ABCA13: variants seen among roughly 807,000 people sequenced by gnomAD.
ABCA13 encodes the protein ATP binding cassette subfamily A member 13.
A neutral mutation model predicts 478.7 loss-of-function variants in ABCA13; 476 were observed. That is an observed-to-expected ratio of 0.99 (90% CI 0.92 to 1.07). The LOEUF (loss-of-function observed/expected upper bound fraction) is 1.07, where lower values mean the gene tolerates loss of function less well. ABCA13 is among the 50% of genes least tolerant of loss of function. ABCA13 has a pLI of 0.00. For missense variants in ABCA13, 6,060 were observed against 5,910.6 expected (o/e 1.03, Z -0.83); for synonymous variants, 2,252 against 2,158.9 (o/e 1.04, Z -1.20).
intron 39 of ABCA13, among the ~76,000 whole-genome samples, chr7:48,408,844 G>A (rs1818618632): frequency 6.6e-6 from 1 of 151,966 alleles, no homozygotes; most frequent in Non-Finnish European, 1.5e-5. Flanking sequence ...CTCCCTCCCG[G>A]CTCCCTCCAC....
chr7:48,410,538 C>T lies in ABCA13; in HGVS notation c.12089C>T (p.Thr4030Ile). The change falls in exon 40 of 62, where the codon ACA (threonine) becomes ATA (isoleucine). Residue 4030 changes from threonine to isoleucine, a missense_variant. By Grantham distance (89) the Thr-to-Ile change is moderately conservative. Around this residue, in one of 3 missense-constraint regions of ABCA13, gnomAD observed 1,627 missense variants for 1,571.0 expected, o/e 1.04. Transcript: ENST00000435803. The stretch of plus-strand genomic sequence containing the variant: ...GACCCAGGTCGTACGATCATCTTCA[C>T]AACCCACCACCTGGATGAAGCTGAA... ...KYREGRTIIFTTHHLDEAEAL... is the reference protein window; with the variant it reads ...KYREGRTIIFITHHLDEAEAL... The T allele has an allele frequency of 6.2e-7, 1 of 1,614,058 alleles. No homozygotes were observed.
At chr7:48,329,601 A>ACATCCATCCATCTGTC (rs1174364826) in intron 27 of ABCA13, among the ~76,000 whole-genome samples, 1 of 149,974 alleles carries the variant, frequency 6.7e-6, no homozygotes, top group African/African-American at 2.5e-5. Flanking sequence ...ATCCATCCAC[A>ACATCCATCCATCTGTC]CATCCATCCA....
chr7:48,339,411 T>TCCC (rs1234889736), intron 29 of ABCA13, among the ~76,000 whole-genome samples: 1 of 152,200 alleles, frequency 6.6e-6, no homozygotes, highest in Non-Finnish European at 1.5e-5. Context: ...AATAATAGTG[T>TCCC]CCCCATCTTC....
intron 42 of ABCA13, among the ~76,000 whole-genome samples, chr7:48,445,754 G>T (rs1256799103): frequency 6.6e-6 from 1 of 152,108 alleles, no homozygotes; most frequent in Non-Finnish European, 1.5e-5. Context: ...CCCAGTGAAA[G>T]AATGCAAATT....
At chr7:48,475,370 T>C (rs1827965896) in intron 45 of ABCA13, among the ~76,000 whole-genome samples, 1 of 152,086 alleles carries the variant, frequency 6.6e-6, no homozygotes, top group Admixed American at 6.6e-5. Flanking sequence ...AAGTTGACTG[T>C]GTTTTGTTAG....
intron 5 of ABCA13, among the ~76,000 whole-genome samples, chr7:48,224,056 T>G (rs918133373): frequency 2.0e-5 from 3 of 149,112 alleles, no homozygotes; most frequent in Non-Finnish European, 4.5e-5. Context: ...TGTGAAGCAG[T>G]GAAGTATGGG....
At chr7:48,634,011 A>G (rs116375318) in intron 59 of ABCA13, among the ~76,000 whole-genome samples, 2 of 152,270 alleles carry the variant, frequency 1.3e-5, no homozygotes, top group African/African-American at 2.4e-5. Context: ...AATAAAAATC[A>G]ATACCAAGAT....
In ABCA13 at chr7:48,471,521, G is replaced by GT. The variant is rs1827493710; in HGVS notation, c.12906-3dup. 9 of 1,552,254 alleles carry GT rather than the reference G, an allele frequency of 5.8e-6. No homozygotes were observed. Among genetic ancestry groups the GT allele is most frequent in the Non-Finnish European group, 7.9e-6 (9 of 1,146,222 alleles). On this transcript the variant is annotated splice_polypyrimidine_tract_variant and intron_variant, in intron 44 of 61. Transcript: ENST00000435803. ...AAAGATCATTCCAATTCTCTCCTTT[G>GT]TTTTTTAGGAAGAATTCTTCATGCT...
chr7:48,369,158 C>T (rs541022271), intron 32 of ABCA13, among the ~76,000 whole-genome samples: 205 of 152,104 alleles, frequency 1.3e-3, no homozygotes, highest in Non-Finnish European at 2.1e-3. Context: ...TAATTAGTGA[C>T]GATGAGTATT....
In ABCA13 at chr7:48,248,174, C is replaced by T. The variant is rs1433300946; in HGVS notation, c.1660-65C>T. On this transcript the variant is annotated intron_variant, in intron 13 of 61. Transcript: ENST00000435803. ...GTTTAGTGATACAGGGTCAAGGCTG[C>T]GTCTCAAATACCCACATCTGAATTG... The T allele has an allele frequency of 2.4e-5, 32 of 1,356,042 alleles. No homozygotes were observed. In the East Asian group the frequency reaches 4.4e-4, roughly 19 times the overall value. The allele number at this position is 1,356,042 out of a possible 1,614,324, so 84.0% of individuals were successfully genotyped here.
intron 24 of ABCA13, among the ~76,000 whole-genome samples, chr7:48,310,774 A>G (rs1241584315): frequency 6.6e-6 from 1 of 152,132 alleles, no homozygotes; most frequent in African/African-American, 2.4e-5. Flanking sequence ...GAGAGAGTGG[A>G]GAGTGGGAAG....
intron 55 of ABCA13, among the ~76,000 whole-genome samples, chr7:48,533,974 A>G (rs1833406215): frequency 6.6e-6 from 1 of 151,954 alleles, no homozygotes; most frequent in African/African-American, 2.4e-5. Context: ...TTTTAAGTGG[A>G]GCATTTAAGC....
chr7:48,206,099 T>G (rs532202617), intron 3 of ABCA13, among the ~76,000 whole-genome samples: 1 of 152,328 alleles, frequency 6.6e-6, no homozygotes, highest in East Asian at 1.9e-4. Flanking sequence ...GATTTGCCTT[T>G]TCTAAATTTT....
intron 6 of ABCA13, among the ~76,000 whole-genome samples, chr7:48,229,349 A>G (rs1165844745): frequency 6.6e-6 from 1 of 152,214 alleles, no homozygotes; most frequent in Non-Finnish European, 1.5e-5. Context: ...ATTCAGATCC[A>G]TAGGTTAAGA....
Position 48,387,918 on chromosome 7 carries a change from G to C in ABCA13, c.11432G>C (p.Ser3811Thr), listed in dbSNP as rs1309370233. ...GTGGAGAAAAGGCAATACTTTCTAA[G>C]TTCTAGTCTGTTCTTCTTCAATGAG... ...FLVEKRQYFL[S>T]SSLFFFNENF... Residue 3811 changes from serine to threonine, a missense_variant, in exon 36 of 62, where the codon AGT becomes ACT. Transcript: ENST00000435803. 6.2e-7 allele frequency: 1 copy of C among 1,612,516 alleles called. No homozygotes were observed.
chr7:48,209,347 C>G (rs1186369898), intron 3 of ABCA13, among the ~76,000 whole-genome samples: 1 of 151,756 alleles, frequency 6.6e-6, no homozygotes, highest in African/African-American at 2.4e-5. Flanking sequence ...GTGTATATGT[C>G]TGGTTTTGGT....
At chr7:48,334,337 AT>A (rs57409709) in intron 27 of ABCA13, among the ~76,000 whole-genome samples, 6,832 of 138,678 alleles carry the variant, frequency 0.049, 362 homozygotes, top group African/African-American at 0.15. Context: ...CTCTATCCCT[AT>A]TTTTTTTTTT....
At chr7:48,542,306 C>T (rs1833994837) in intron 55 of ABCA13, among the ~76,000 whole-genome samples, 1 of 151,714 alleles carries the variant, frequency 6.6e-6, no homozygotes, top group South Asian at 2.1e-4. Flanking sequence ...ACAAATACAA[C>T]TCTTCATTTT....
chr7:48,497,756 G>T (rs1421444929), intron 48 of ABCA13, among the ~76,000 whole-genome samples: 1 of 113,978 alleles, frequency 8.8e-6, no homozygotes, highest in Non-Finnish European at 1.7e-5. Context: ...GTCTCTAAGT[G>T]AGTGGGGGAG....
Sources: gnomAD v4.1 joint callset for allele counts (sites outside exome capture counted in the v4.1 genomes callset) on GRCh38, gnomAD v4.1.1 for gene constraint, gnomAD v4.1.1 regional missense constraint, MANE v1.5 for transcripts, NCBI Gene and HGNC (gene_info 2026-07-23, HGNC 2026-07-21) for gene names.